SERPINB9: variants seen among roughly 807,000 people sequenced by gnomAD.
The protein encoded by SERPINB9 is serpin B9.
SERPINB9 carries 20 observed loss-of-function variants against 27.2 expected under a neutral mutation model. The observed-to-expected ratio is 0.74, with a 90% CI of 0.52 to 1.07. SERPINB9 has a LOEUF of 1.07. SERPINB9 is among the 50% of genes least tolerant of loss of function. SERPINB9 has a pLI of 0.00. For missense variants in SERPINB9, 476 were observed against 460.1 expected, an observed-to-expected ratio of 1.03 and a Z score of -0.32; for synonymous variants, 189 against 180.0, an observed-to-expected ratio of 1.05 and a Z score of -0.40.
chr6:2,896,228 C>A, intron 2 of SERPINB9, 38 bp from the exon 3 acceptor site: 1 of 1,599,506 alleles, frequency 6.3e-7, no homozygotes, highest in Non-Finnish European at 8.5e-7. Context: ...ATCAAGATAG[C>A]TCTTTGATGG....
rs1395582955 is a variant in SERPINB9, at chr6:2,891,782, AGTTCTGCCCGCAAAGGTGTCCCTGG to A, written c.723+26_723+50del. ...ATATGAGAGGTGGAAGTGGCACTCG[AGTTCTGCCCGCAAAGGTGTCCCTGG>A]GTTCTTCCCGCAGCCCGGGTCTTAC... On this transcript the variant is annotated intron_variant, in intron 6 of 6. Transcript: ENST00000380698. The surrounding 1 kb of genome is among the most constrained non-coding windows in gnomAD (Gnocchi z 4.0). The A allele has an allele frequency of 1.3e-6, 2 of 1,538,168 alleles. No individual in the cohort carries two copies. Among genetic ancestry groups the A allele is most frequent in the African/African-American group, 1.4e-5 (1 of 72,038 alleles).
chr6:2,896,087 C>CT lies in SERPINB9; in HGVS notation c.271dup (p.Arg91LysfsTer15). ...CTGACAAGTTTTCTCTCCAAAGAGC[C>CT]TGTTGGCCGTTCTCAGCAGGTACTG... On this transcript the variant is annotated frameshift_variant, in exon 3 of 7. Transcript: ENST00000380698. LOFTEE classifies it high-confidence loss of function. 1 of 1,613,856 alleles carries CT rather than the reference C, an allele frequency of 6.2e-7. No homozygotes were observed. The highest frequency in any genetic ancestry group is 8.5e-7 in the Non-Finnish European group (1 of 1,179,948).
chr6:2,900,694 A>G (rs977823707), intron 1 of SERPINB9, 73 bp from the exon 2 acceptor site: 6 of 1,270,454 alleles, frequency 4.7e-6, no homozygotes, highest in Non-Finnish European at 6.6e-6. Flanking sequence ...ACTACAGGGC[A>G]ATTTTGGAAT....
Position 2,889,702 on chromosome 6 carries a change from A to C in SERPINB9, c.*461T>G, listed in dbSNP as rs2113595266. ...AGAGAGCCAGACTGCGTCTCAGAAAAAAAAAAAAAAAAAAGATAAAATATA... is the reference window on the plus strand; with the variant it reads ...AGAGAGCCAGACTGCGTCTCAGAAACAAAAAAAAAAAAAAGATAAAATATA... On this transcript the variant is annotated 3_prime_UTR_variant, in exon 7 of 7. Transcript: ENST00000380698. The C allele has an allele frequency of 6.6e-6, 1 of 151,636 alleles. No individual in the cohort carries two copies. Among genetic ancestry groups the C allele is most frequent in the East Asian group, 1.9e-4 (1 of 5,180 alleles). The allele number at this position is 151,636 out of a possible 1,614,324, so 9.4% of individuals were successfully genotyped here.
At chr6:2,901,558 C>G (rs944005475) in intron 1 of SERPINB9, among the ~76,000 whole-genome samples, 4 of 152,196 alleles carry the variant, frequency 2.6e-5, no homozygotes, top group Admixed American at 1.3e-4. Context: ...TGTGAAGCCA[C>G]TGGAGACCAA....
intron 4 of SERPINB9, 80 bp from the exon 5 acceptor site, chr6:2,893,633 AGAAGC>A: frequency 1.6e-6 from 2 of 1,271,002 alleles, no homozygotes; most frequent in Non-Finnish European, 2.2e-6. Context: ...TCATTAGTTG[AGAAGC>A]AAACTTCTGT....
Position 2,890,128 on chromosome 6 carries a change from G to A in SERPINB9, c.*35C>T, listed in dbSNP as rs776956697. 1.9e-6 allele frequency: 3 copies of A among 1,587,244 alleles called. No homozygotes were observed. Among genetic ancestry groups the A allele is most frequent in the Non-Finnish European group, 2.6e-6 (3 of 1,164,330 alleles). ...TAGTGGGGATCTGGGGACACAGGAA[G>A]AGGGAAATGGCCGAGTGCACGGTAA... On this transcript the variant is annotated 3_prime_UTR_variant, in exon 7 of 7. Coordinates refer to ENST00000380698, the MANE Select transcript of SERPINB9 (RefSeq NM_004155.6). The surrounding 1 kb of genome is among the most constrained non-coding windows in gnomAD (Gnocchi z 6.2).
chr6:2,899,309 C>T (rs906322463), intron 2 of SERPINB9, among the ~76,000 whole-genome samples: 37 of 152,100 alleles, frequency 2.4e-4, no homozygotes, highest in Non-Finnish European at 1.3e-4. Flanking sequence ...AGAGAGGGTT[C>T]TCACGCTTGA....
chr6:2,891,134 T>TC lies in SERPINB9; in HGVS notation c.724-565dup, dbSNP rs986049238. ...CTGCTGCGCACACAGACCTCTTAAG[T>TC]CATGGGGTCCCACTGCCTGCCATTT... is the stretch of plus-strand genomic sequence containing the variant. On this transcript the variant is annotated intron_variant, in intron 6 of 6. Transcript: ENST00000380698. This position sits in a 1 kb window ranked among gnomAD's most constrained non-coding sequence, Gnocchi z 4.0. 6.6e-6 allele frequency among the ~76,000 whole-genome samples: 1 copy of TC among 152,124 alleles called. No homozygotes were observed. Among genetic ancestry groups the TC allele is most frequent in the Admixed American group, 6.5e-5 (1 of 15,268 alleles).
chr6:2,893,350 G>A, intron 5 of SERPINB9, 61 bp downstream of exon 5: 1 of 1,546,248 alleles, frequency 6.5e-7, no homozygotes, highest in South Asian at 1.2e-5. Context: ...CTTTTACAAA[G>A]TTAAATCTTT....
chr6:2,891,814 C>G lies in SERPINB9; in HGVS notation c.723+19G>C. ...CCCGCAAAGGTGTCCCTGGGTTCTT[C>G]CCGCAGCCCGGGTCTTACCGTGCTG... On this transcript the variant is annotated intron_variant, in intron 6 of 6. Transcript: ENST00000380698. The surrounding 1 kb of genome is among the most constrained non-coding windows in gnomAD (Gnocchi z 4.0). The G allele has an allele frequency of 1.3e-6, 2 of 1,569,856 alleles. No individual in the cohort carries two copies. The highest frequency in any genetic ancestry group is 2.3e-5 in the South Asian group (2 of 88,074).
At chr6:2,897,123 C>CA (rs761775676) in intron 2 of SERPINB9, among the ~76,000 whole-genome samples, 10,633 of 68,640 alleles carry the variant, frequency 0.15, 677 homozygotes, top group African/African-American at 0.29. Flanking sequence ...AAGACCATGT[C>CA]AAAAAAAAAA....
In SERPINB9 at chr6:2,895,479, G is replaced by T. The variant is rs201183410; in HGVS notation, c.336C>A (p.Tyr112Ter). The change falls in exon 4 of 7, where the codon TAC (tyrosine) becomes TAA (stop). Residue 112 changes from tyrosine (Y) to a stop codon, truncating the protein, a stop_gained. Coordinates refer to ENST00000380698, the MANE Select transcript of SERPINB9 (RefSeq NM_004155.6). LOFTEE classifies it high-confidence loss of function. Reference protein sequence around the residue: ...STFKESCLQFYHAELKELSFI... With the variant: ...STFKESCLQF ...AGGAAAGCTCCTTCAGCTCAGCATG[G>T]TAGAATTGAAGACAGGATTCCTTAA... is the stretch of plus-strand genomic sequence containing the variant. 4.3e-6 allele frequency: 7 copies of T among 1,613,572 alleles called. No homozygotes were observed. The highest frequency in any genetic ancestry group is 5.9e-6 in the Non-Finnish European group (7 of 1,179,810).
intron 2 of SERPINB9, among the ~76,000 whole-genome samples, chr6:2,898,685 G>A (rs1768088068): frequency 6.6e-6 from 1 of 151,992 alleles, no homozygotes; most frequent in South Asian, 2.1e-4. Context: ...GTGGGGGCGG[G>A]CACCTGTAGT....
In SERPINB9 at chr6:2,889,983, A is replaced by G. The variant is rs1767731390; in HGVS notation, c.*180T>C. The G allele has an allele frequency of 5.8e-6, 3 of 516,604 alleles. No homozygotes were observed. The highest frequency in any genetic ancestry group is 1.0e-5 in the Non-Finnish European group (3 of 295,958). 32.0% of individuals were successfully genotyped at this position (516,604 alleles called of 1,614,324 possible). ...GGTCTATTTTCTCAAGATTCTGATT[A>G]AGTAGCATAAGCGAGTGTGGAGCAT... On this transcript the variant is annotated 3_prime_UTR_variant, in exon 7 of 7. Transcript: ENST00000380698.
Position 2,890,698 on chromosome 6 carries a change from T to A in SERPINB9, c.724-128A>T. The A allele has an allele frequency of 1.2e-6, 1 of 856,622 alleles. No homozygotes were observed. The allele number at this position is 856,622 out of a possible 1,614,324, so 53.1% of individuals were successfully genotyped here. On this transcript the variant is annotated intron_variant, in intron 6 of 6. Transcript: ENST00000380698. This position sits in a 1 kb window ranked among gnomAD's most constrained non-coding sequence, Gnocchi z 6.2. ...TGTTCACATAGGATCAGTGGCCCCT[T>A]CATCTGCCAGAAGCTTGTGAGCACT...
At chr6:2,899,362 C>G (rs1010804160) in intron 2 of SERPINB9, among the ~76,000 whole-genome samples, 1 of 152,194 alleles carries the variant, frequency 6.6e-6, no homozygotes. Flanking sequence ...TAAAAACCTA[C>G]GCTCTTGCAC....
Position 2,894,651 on chromosome 6 carries a change from GCAGAGACAATGGAGT to G in SERPINB9, c.424+725_424+739del, listed in dbSNP as rs1237109139. Among the ~76,000 whole-genome samples the G allele has an allele frequency of 2.0e-5, 3 of 152,158 alleles. No homozygotes were observed. The highest frequency in any genetic ancestry group is 7.2e-5 in the African/African-American group (3 of 41,440). On this transcript the variant is annotated intron_variant, in intron 4 of 6. Coordinates refer to ENST00000380698, the MANE Select transcript of SERPINB9 (RefSeq NM_004155.6). The surrounding 1 kb of genome is among the most constrained non-coding windows in gnomAD (Gnocchi z 4.7). ...AGATCTGTCCACCAATCTCCTTCTC[GCAGAGACAATGGAGT>G]CACCTGACATGTGAATGTTACAGGC...
chr6:2,895,341 G>A (rs780532458), intron 4 of SERPINB9, 50 bp downstream of exon 4: 52 of 1,231,606 alleles, frequency 4.2e-5, no homozygotes, highest in Non-Finnish European at 5.9e-5. Context: ...AGGAAGAGCC[G>A]CAGGAGGAGG....
Sources: gnomAD v4.1 joint callset for allele counts (sites outside exome capture counted in the v4.1 genomes callset) on GRCh38, gnomAD v4.1.1 for gene constraint, Gnocchi (gnomAD v3.1) non-coding constraint, MANE v1.5 for transcripts, NCBI Gene and HGNC (gene_info 2026-07-23, HGNC 2026-07-21) for gene names.